DTWD2: variants seen among roughly 807,000 people sequenced by gnomAD.
DTWD2 encodes the protein DTW motif tRNA-uridine aminocarboxypropyltransferase 2.
In DTWD2, 39 loss-of-function variants were observed where a neutral mutation model predicts 31.8. That is an observed-to-expected ratio of 1.22 (90% CI 0.95 to 1.60). The LOEUF is 1.60. DTWD2 is among the 40% of genes most tolerant of loss of function. The pLI, the probability that DTWD2 is intolerant of heterozygous loss-of-function variation, is 0.00. For synonymous variants in DTWD2, 180 were observed against 142.8 expected (o/e 1.26, Z -1.86); for missense variants, 515 against 381.5 (o/e 1.35, Z -2.92).
At chr5:118,890,759 C>T (rs1392864456) in intron 4 of DTWD2, among the ~76,000 whole-genome samples, 4 of 151,726 alleles carry the variant, frequency 2.6e-5, no homozygotes, top group African/African-American at 7.3e-5. Context: ...TTAGTAGAGA[C>T]GGGGTTTCGC....
chr5:118,873,456 A>C (rs1159262419), intron 4 of DTWD2, among the ~76,000 whole-genome samples: 2 of 152,214 alleles, frequency 1.3e-5, no homozygotes, highest in East Asian at 3.9e-4. Flanking sequence ...TGTCTGGTAG[A>C]GAGCTTCAGC....
chr5:118,937,197 T>C (rs1754062299), intron 3 of DTWD2, among the ~76,000 whole-genome samples: 1 of 152,072 alleles, frequency 6.6e-6, no homozygotes, highest in Non-Finnish European at 1.5e-5. Context: ...ATTAACAGAA[T>C]TAAGGAGAGA....
At chr5:118,926,435 C>G (rs1753810211) in intron 4 of DTWD2, among the ~76,000 whole-genome samples, 1 of 152,090 alleles carries the variant, frequency 6.6e-6, no homozygotes, top group Admixed American at 6.5e-5. Context: ...ATATTCGGTA[C>G]AGTGTACACT....
At chr5:118,977,463 T>C (rs1220429615) in intron 1 of DTWD2, among the ~76,000 whole-genome samples, 1 of 152,198 alleles carries the variant, frequency 6.6e-6, no homozygotes, top group Admixed American at 6.5e-5. Context: ...AAAATCTCCT[T>C]AAGCTGATCA....
chr5:118,924,152 G>A (rs959612023), intron 4 of DTWD2, among the ~76,000 whole-genome samples: 3 of 152,154 alleles, frequency 2.0e-5, no homozygotes, highest in Non-Finnish European at 2.9e-5. Context: ...TCCTCTAACC[G>A]GTCCAGGTCT....
intron 3 of DTWD2, among the ~76,000 whole-genome samples, chr5:118,938,550 G>C (rs1402432350): frequency 1.3e-5 from 2 of 151,804 alleles, no homozygotes; most frequent in Non-Finnish European, 2.9e-5. Flanking sequence ...AAATTCATCA[G>C]CAAATAATAA....
chr5:118,877,841 A>G (rs1399962056), intron 4 of DTWD2, among the ~76,000 whole-genome samples: 1 of 152,244 alleles, frequency 6.6e-6, no homozygotes, highest in African/African-American at 2.4e-5. Flanking sequence ...CAACTTAAGC[A>G]AAGTTTCAGG....
intron 4 of DTWD2, among the ~76,000 whole-genome samples, chr5:118,911,429 T>C (rs775444150): frequency 4.6e-5 from 7 of 152,192 alleles, no homozygotes; most frequent in Non-Finnish European, 8.8e-5. Flanking sequence ...TGGTATAGTG[T>C]ATGGAAAACA....
At chr5:118,892,730 A>G (rs896398424) in intron 4 of DTWD2, among the ~76,000 whole-genome samples, 1 of 152,198 alleles carries the variant, frequency 6.6e-6, no homozygotes, top group Non-Finnish European at 1.5e-5. Flanking sequence ...GAAATTGTAT[A>G]GTATTTAACA....
At chr5:118,871,197 C>G (rs1046276847) in intron 4 of DTWD2, among the ~76,000 whole-genome samples, 1 of 152,032 alleles carries the variant, frequency 6.6e-6, no homozygotes, top group Admixed American at 6.6e-5. Flanking sequence ...CTTTAGGTTC[C>G]ACTTCTAATT....
rs1265891393 is a variant in DTWD2 at position 118,836,972 on chromosome 5, A to G, written c.*3945T>C. Among the ~76,000 whole-genome samples, 3 of 152,226 alleles carry G rather than the reference A, an allele frequency of 2.0e-5. No homozygotes were observed. Among genetic ancestry groups the G allele is most frequent in the Admixed American group, 2.0e-4 (3 of 15,276 alleles). ...ATCAGCACGGTGTAAAAAGTCAGGG[A>G]TTTCCAGATTTCCTGAATAATTTTT... On this transcript the variant is annotated 3_prime_UTR_variant, in exon 6 of 6. Coordinates refer to ENST00000510708, the MANE Select transcript of DTWD2 (RefSeq NM_173666.4).
intron 4 of DTWD2, among the ~76,000 whole-genome samples, chr5:118,919,049 A>G (rs1312173872): frequency 6.6e-6 from 1 of 152,204 alleles, no homozygotes; most frequent in Non-Finnish European, 1.5e-5. Flanking sequence ...TAGCTGCAAG[A>G]GAGACTGGAT....
intron 1 of DTWD2, among the ~76,000 whole-genome samples, chr5:118,960,967 G>C (rs1754692631): frequency 6.6e-6 from 1 of 152,008 alleles, no homozygotes; most frequent in Admixed American, 6.6e-5. Context: ...AAATTACCTA[G>C]TAGATACTAT....
At chr5:118,858,590 C>T (rs760973650) in intron 4 of DTWD2, among the ~76,000 whole-genome samples, 9 of 152,136 alleles carry the variant, frequency 5.9e-5, no homozygotes, top group Admixed American at 6.5e-5. Context: ...TATGCAGATT[C>T]CAGAATTATC....
At chr5:118,898,717 G>T (rs1365305869) in intron 4 of DTWD2, among the ~76,000 whole-genome samples, 1 of 151,142 alleles carries the variant, frequency 6.6e-6, no homozygotes, top group Non-Finnish European at 1.5e-5. Flanking sequence ...ATAAAGCTTG[G>T]CATCAAAACA....
chr5:118,847,316 G>C (rs751347554), intron 5 of DTWD2, among the ~76,000 whole-genome samples: 2 of 152,026 alleles, frequency 1.3e-5, no homozygotes, highest in African/African-American at 4.8e-5. Flanking sequence ...TGTTTTGAAG[G>C]GGGAGTTATA....
intron 1 of DTWD2, chr5:118,974,193 T>A: frequency 7.2e-7 from 1 of 1,383,334 alleles, no homozygotes; most frequent in Non-Finnish European, 1.0e-6. Context: ...CCACTTCCCG[T>A]CTCAGAATCT....
intron 4 of DTWD2, among the ~76,000 whole-genome samples, chr5:118,849,834 C>T (rs895565116): frequency 2.0e-5 from 3 of 152,018 alleles, no homozygotes; most frequent in Admixed American, 2.0e-4. Flanking sequence ...AATGAGAACA[C>T]ATGGACATCA....
At chr5:118,853,281 T>G (rs1752054612) in intron 4 of DTWD2, among the ~76,000 whole-genome samples, 1 of 152,198 alleles carries the variant, frequency 6.6e-6, no homozygotes, top group Non-Finnish European at 1.5e-5. Flanking sequence ...GAAAAGGAGA[T>G]GCTTATACAC....
Sources: gnomAD v4.1 joint callset for allele counts (sites outside exome capture counted in the v4.1 genomes callset) on GRCh38, gnomAD v4.1.1 for gene constraint, MANE v1.5 for transcripts, NCBI Gene and HGNC (gene_info 2026-07-23, HGNC 2026-07-21) for gene names.